Variants in MAMDC2 observed in about 807,000 individuals in gnomAD.
MAMDC2 encodes the protein MAM domain-containing protein 2.
MAMDC2 carries 57 observed loss-of-function variants against 89.8 expected under a neutral mutation model. The ratio of observed to expected loss-of-function variants is 0.63; its 90% CI spans 0.51 to 0.79. MAMDC2 has a LOEUF of 0.79. MAMDC2 is among the 30% of genes least tolerant of loss of function. The pLI is 0.00. For synonymous variants in MAMDC2, 313 were observed against 293.4 expected (o/e 1.07, Z -0.68); for missense variants, 800 against 820.6 (o/e 0.97, Z 0.31).
chr9:70,111,830 A>G (rs912281133), intron 4 of MAMDC2, among the ~76,000 whole-genome samples: 1 of 152,124 alleles, frequency 6.6e-6, no homozygotes, highest in Non-Finnish European at 1.5e-5. Flanking sequence ...CCAGCAAGGA[A>G]TAGCTCTGTG....
chr9:70,145,932 C>T (rs2031390539), intron 9 of MAMDC2, among the ~76,000 whole-genome samples: 1 of 152,036 alleles, frequency 6.6e-6, no homozygotes, highest in Admixed American at 6.5e-5. Flanking sequence ...AGAAGGGCTA[C>T]ATAAAAAGAC....
intron 6 of MAMDC2, among the ~76,000 whole-genome samples, chr9:70,127,490 T>C (rs138110116): frequency 6.6e-6 from 1 of 152,192 alleles, no homozygotes; most frequent in East Asian, 1.9e-4. Context: ...TTGTGCTTTT[T>C]GCAATATCTT....
chr9:70,150,843 C>CAG (rs954001432), intron 9 of MAMDC2, among the ~76,000 whole-genome samples: 2 of 152,114 alleles, frequency 1.3e-5, no homozygotes, highest in Non-Finnish European at 2.9e-5. Flanking sequence ...CTCTATACTC[C>CAG]AGAGAGAGAC....
chr9:70,125,792 G>A (rs2030507909), intron 5 of MAMDC2, among the ~76,000 whole-genome samples: 1 of 152,218 alleles, frequency 6.6e-6, no homozygotes, highest in Non-Finnish European at 1.5e-5. Context: ...TTGGGAGGGA[G>A]TGGCTTCTCA....
At chr9:70,138,501 T>C (rs1017868634) in intron 7 of MAMDC2, among the ~76,000 whole-genome samples, 3 of 152,222 alleles carry the variant, frequency 2.0e-5, no homozygotes, top group Non-Finnish European at 2.9e-5. Flanking sequence ...CCATAGTGGC[T>C]GTGCTAGTTT....
chr9:70,159,609 G>A (rs1057129832), intron 9 of MAMDC2, among the ~76,000 whole-genome samples: 38 of 152,208 alleles, frequency 2.5e-4, no homozygotes, highest in African/African-American at 4.8e-5. Context: ...GAGCCCTTGA[G>A]AGGCAAGAGG....
At chr9:70,150,813 C>A (rs2031556435) in intron 9 of MAMDC2, among the ~76,000 whole-genome samples, 1 of 152,184 alleles carries the variant, frequency 6.6e-6, no homozygotes, top group African/African-American at 2.4e-5. Flanking sequence ...GTAGCTGGAT[C>A]TTCTCTTCCA....
At chr9:70,159,306 CA>C (rs2031879093) in intron 9 of MAMDC2, among the ~76,000 whole-genome samples, 1 of 152,000 alleles carries the variant, frequency 6.6e-6, no homozygotes, top group Non-Finnish European at 1.5e-5. Flanking sequence ...TCGTTCATTC[CA>C]GTAATATTTA....
At chr9:70,139,470 A>G (rs2031126385) in intron 7 of MAMDC2, among the ~76,000 whole-genome samples, 1 of 151,366 alleles carries the variant, frequency 6.6e-6, no homozygotes, top group Admixed American at 6.6e-5. Flanking sequence ...TTATGGCTGC[A>G]TAGTATTCCA....
chr9:70,090,165 GGCTTTTAA>G (rs1827858810), intron 2 of MAMDC2, among the ~76,000 whole-genome samples: 1 of 151,424 alleles, frequency 6.6e-6, no homozygotes, highest in South Asian at 2.1e-4. Flanking sequence ...AAATATCAGT[GGCTTTTAA>G]ACATACAAAA....
intron 11 of MAMDC2, among the ~76,000 whole-genome samples, chr9:70,210,574 T>A (rs1401147769): frequency 1.2e-4 from 18 of 152,220 alleles, no homozygotes; most frequent in Admixed American, 8.5e-4. Context: ...TGATGGGTCT[T>A]GACTCTTTAT....
At position 70,225,776 on chromosome 9, in the gene MAMDC2, A is replaced by G. The variant is rs145450036; in HGVS notation, c.1938A>G (p.Val646=). 69 of 1,608,138 alleles carry G rather than the reference A, an allele frequency of 4.3e-5. No homozygotes were observed. The East Asian group carries it at 1.4e-3, about 33-fold the overall frequency. ...TAATTTTTGAAGCCATTCGAGGAGT[A>G]TCAATAAGAAGTGATATTGCCATTG... ...HQIIFEAIRG[V]SIRSDIAIDD... is the part of the protein sequence containing the mutation. Residue 646 remains valine, a synonymous_variant, in exon 13 of 14, where the codon GTA becomes GTG. Coordinates refer to ENST00000377182, the MANE Select transcript of MAMDC2 (RefSeq NM_153267.5).
chr9:70,080,315 G>A (rs1243509197), intron 2 of MAMDC2, among the ~76,000 whole-genome samples: 1 of 152,116 alleles, frequency 6.6e-6, no homozygotes, highest in African/African-American at 2.4e-5. Flanking sequence ...TTTATATGCT[G>A]TAGCACTATA....
chr9:70,068,849 T>A (rs1827332505), intron 2 of MAMDC2, among the ~76,000 whole-genome samples: 2 of 152,066 alleles, frequency 1.3e-5, no homozygotes. Flanking sequence ...GGAAGAGTTT[T>A]ATTAGGGGAC....
intron 9 of MAMDC2, among the ~76,000 whole-genome samples, chr9:70,163,090 G>A (rs2032034728): frequency 6.6e-6 from 1 of 152,052 alleles, no homozygotes; most frequent in South Asian, 2.1e-4. Flanking sequence ...AATAATTACA[G>A]TTTTCTAAAG....
chr9:70,137,344 AG>A (rs1255101483), intron 7 of MAMDC2, among the ~76,000 whole-genome samples: 2 of 152,166 alleles, frequency 1.3e-5, no homozygotes, highest in African/African-American at 4.8e-5. Flanking sequence ...TAAATATTTT[AG>A]TGTGTATTTT....
At position 70,140,237 on chromosome 9, in the gene MAMDC2, G is replaced by A; in HGVS notation, c.1087G>A (p.Val363Met). The A allele has an allele frequency of 1.2e-6, 2 of 1,601,454 alleles. No homozygotes were observed. Among genetic ancestry groups the A allele is most frequent in the South Asian group, 1.1e-5 (1 of 88,344 alleles). ...QDKEGPGWTR[V>M]KVKPNMYRAG... ...TAAAGAAGGTCCAGGTTGGACCCGA[G>A]TGAAAGTAAAACCAAACATGTATCG... The change falls in exon 8 of 14, where the codon GTG (valine) becomes ATG (methionine). Residue 363 changes from valine to methionine, a missense_variant. By Grantham distance (21) the Val-to-Met change is conservative (BLOSUM62 1). Transcript: ENST00000377182.
rs66957093 is a variant in MAMDC2 at position 70,163,229 on chromosome 9, C to CTTT, written c.1405-5457_1405-5455dup. ...AGGGCTTCAGGATATTTCTTTCTTT[C>CTTT]TTTTTTTTTTTTTTTTTTAGACAGA... On this transcript the variant is annotated intron_variant, in intron 9 of 13. Coordinates refer to ENST00000377182, the MANE Select transcript of MAMDC2 (RefSeq NM_153267.5). Among the ~76,000 whole-genome samples the CTTT allele has an allele frequency of 1.8e-3, 230 of 125,106 alleles. 2 individuals are homozygous for CTTT. Among genetic ancestry groups the CTTT allele is most frequent in the South Asian group, 5.0e-3 (20 of 3,998 alleles). The allele number at this position is 125,106 out of a possible 152,430, so 82.1% of individuals were successfully genotyped here.
intron 9 of MAMDC2, among the ~76,000 whole-genome samples, chr9:70,164,326 A>G (rs1329013569): frequency 6.6e-6 from 1 of 152,218 alleles, no homozygotes; most frequent in Admixed American, 6.5e-5. Flanking sequence ...AGTATAGTAG[A>G]GAGTAAGTTA....
Sources: gnomAD v4.1 joint callset for allele counts (sites outside exome capture counted in the v4.1 genomes callset) on GRCh38, gnomAD v4.1.1 for gene constraint, MANE v1.5 for transcripts, NCBI Gene and HGNC (gene_info 2026-07-23, HGNC 2026-07-21) for gene names.